The following EXOC1 variants were observed in gnomAD, a reference collection of about 807,000 sequenced individuals.
EXOC1 encodes exocyst complex component 1.
A neutral mutation model predicts 107.7 loss-of-function variants in EXOC1; 67 were observed. The observed-to-expected ratio is 0.62, with a 90% CI of 0.51 to 0.76. EXOC1 has a LOEUF of 0.76. EXOC1 is among the 30% of genes least tolerant of loss of function. The probability of loss-of-function intolerance (pLI) is 0.00; values close to 1 mark genes in which losing one functional copy is unlikely to be tolerated. For synonymous variants in EXOC1, 348 were observed against 353.5 expected (o/e 0.98, Z 0.17); for missense variants, 833 against 1,055.7 (o/e 0.79, Z 2.92).
At chr4:55,902,594 C>A in intron 18 of EXOC1, 56 bp downstream of exon 18, 1 of 1,333,432 alleles carries the variant, frequency 7.5e-7, no homozygotes, top group South Asian at 2.1e-5. Flanking sequence ...TATTGCTTTT[C>A]TTTAAATAAT....
chr4:55,875,449 A>G (rs570348296), intron 8 of EXOC1: 176 of 982,706 alleles, frequency 1.8e-4, no homozygotes, highest in Non-Finnish European at 2.0e-4. Flanking sequence ...TTTGACCCCA[A>G]TGTATCATTT....
chr4:55,875,380 A>G (rs1304617630), intron 8 of EXOC1: 1 of 940,496 alleles, frequency 1.1e-6, no homozygotes, highest in East Asian at 1.2e-4. Flanking sequence ...TAAGAAAAGA[A>G]TAAGTAAGTA....
intron 16 of EXOC1, 37 bp from the exon 17 acceptor site, chr4:55,899,648 C>G: frequency 6.4e-7 from 1 of 1,561,518 alleles, no homozygotes; most frequent in Non-Finnish European, 8.7e-7. Context: ...TGGTCATACT[C>G]AGAGATGTTA....
Position 55,902,558 on chromosome 4 carries a change from C to G in EXOC1, c.2532+20C>G. On this transcript the variant is annotated intron_variant, in intron 18 of 18. Transcript: ENST00000381295. ...CTTCAGGTATGCTTACTTCTTTTGACCATCTGACTTAAAGATCCTTACATA... is the reference window on the plus strand; with the variant it reads ...CTTCAGGTATGCTTACTTCTTTTGAGCATCTGACTTAAAGATCCTTACATA... 6.9e-7 allele frequency: 1 copy of G among 1,446,788 alleles called. No homozygotes were observed. Among genetic ancestry groups the G allele is most frequent in the Non-Finnish European group, 9.1e-7 (1 of 1,100,290 alleles). The allele number at this position is 1,446,788 out of a possible 1,614,324, so 89.6% of individuals were successfully genotyped here.
rs780857976 is a variant in EXOC1, at chr4:55,868,425, C to G, written c.505C>G (p.Gln169Glu). The change falls in exon 5 of 19, where the codon CAG (glutamine) becomes GAG (glutamate). Residue 169 changes from glutamine to glutamate, a missense_variant. Gln to Glu is a conservative substitution (Grantham distance 29, BLOSUM62 2). Around this residue, in one of 2 missense-constraint regions of EXOC1, gnomAD observed 617 missense variants for 701.3 expected, o/e 0.88. Transcript: ENST00000381295. Reference protein sequence around the residue: ...EYQELNAREEQDIEIMMEGCE... With the variant: ...EYQELNAREEEDIEIMMEGCE... ...CCAAGAGTTAAATGCAAGAGAAGAA[C>G]AGGATATCGAAATAATGATGGAAGG... 6 of 1,613,094 alleles carry G rather than the reference C, an allele frequency of 3.7e-6. No homozygotes were observed. The South Asian group carries it at 6.6e-5, about 18-fold the overall frequency.
chr4:55,860,356 A>C (rs1721358421), intron 2 of EXOC1, 55 bp from the exon 3 acceptor site: 1 of 1,601,950 alleles, frequency 6.2e-7, no homozygotes, highest in African/African-American at 1.3e-5. Flanking sequence ...TGAGTGAATG[A>C]AGAATGAGTG....
intron 10 of EXOC1, among the ~76,000 whole-genome samples, chr4:55,885,072 G>GTGTTTAT (rs1367580213): frequency 6.6e-6 from 1 of 151,920 alleles, no homozygotes; most frequent in Non-Finnish European, 1.5e-5. Context: ...AAACAGCAGT[G>GTGTTTAT]TGTTTATATC....
chr4:55,881,729 A>G (rs1309622375), intron 9 of EXOC1, among the ~76,000 whole-genome samples: 1 of 152,192 alleles, frequency 6.6e-6, no homozygotes, highest in Non-Finnish European at 1.5e-5. Flanking sequence ...CAAAGGAGCC[A>G]ATCAGATACG....
intron 1 of EXOC1, among the ~76,000 whole-genome samples, chr4:55,855,245 A>T (rs1232006967): frequency 6.6e-6 from 1 of 152,232 alleles, no homozygotes; most frequent in Non-Finnish European, 1.5e-5. Context: ...TTGTAGGGTT[A>T]AGTAAAGTTG....
chr4:55,857,267 C>T (rs1397315632), intron 1 of EXOC1, among the ~76,000 whole-genome samples: 3 of 140,136 alleles, frequency 2.1e-5, no homozygotes, highest in Admixed American at 7.8e-5. Flanking sequence ...CAAGCTCCGC[C>T]TCCCGAGTTC....
chr4:55,903,105 C>T (rs1726159429), intron 18 of EXOC1, among the ~76,000 whole-genome samples: 1 of 146,862 alleles, frequency 6.8e-6, no homozygotes. Context: ...GATCCTACCA[C>T]TGCACTCCAG....
chr4:55,873,685 G>A (rs576543194), intron 8 of EXOC1, among the ~76,000 whole-genome samples: 21 of 152,108 alleles, frequency 1.4e-4, no homozygotes, highest in East Asian at 5.8e-4. Context: ...AGAACGCTGC[G>A]ACAACCTGGG....
chr4:55,860,325 A>C, intron 2 of EXOC1, 86 bp from the exon 3 acceptor site: 1 of 1,539,518 alleles, frequency 6.5e-7, no homozygotes, highest in East Asian at 2.3e-5. Flanking sequence ...GCTACTAGGC[A>C]CCTGAAAGCT....
At chr4:55,864,487 C>A in intron 4 of EXOC1, 101 bp downstream of exon 4, 2 of 1,016,150 alleles carry the variant, frequency 2.0e-6, no homozygotes, top group Non-Finnish European at 2.8e-6. Context: ...ATTATCTTAT[C>A]GTAAAAGAAC....
chr4:55,896,675 T>C, intron 15 of EXOC1, 42 bp from the exon 16 acceptor site: 5 of 1,495,514 alleles, frequency 3.3e-6, no homozygotes, highest in Non-Finnish European at 4.5e-6. Flanking sequence ...AGTTTTAAAG[T>C]TGCTTGGTTA....
intron 11 of EXOC1, among the ~76,000 whole-genome samples, chr4:55,889,792 C>T (rs1475937832): frequency 2.0e-5 from 3 of 152,256 alleles, no homozygotes; most frequent in East Asian, 3.9e-4. Context: ...CATTGAGATG[C>T]AGCAGTTTTC....
In EXOC1 at chr4:55,888,600, T is replaced by TA. The variant is rs1305457418; in HGVS notation, c.1331-276dup. 6.4e-3 allele frequency among the ~76,000 whole-genome samples: 920 copies of TA among 142,802 alleles called. 5 individuals carry two copies. The highest frequency in any genetic ancestry group is 0.017 in the African/African-American group (667 of 39,548). The allele number at this position is 142,802 out of a possible 152,430, so 93.7% of individuals were successfully genotyped here. On this transcript the variant is annotated intron_variant, in intron 10 of 18. Transcript: ENST00000381295. ...TTTAAGTGTACCAGCTTAATAAACT[T>TA]AAAAAAAAAAAACATTTTAAAGTGT...
chr4:55,877,242 A>G, intron 8 of EXOC1: 1 of 985,402 alleles, frequency 1.0e-6, no homozygotes, highest in Non-Finnish European at 1.2e-6. Context: ...AAACTCTAGC[A>G]GTCTGTGTAA....
At chr4:55,883,037 A>G (rs1385806741) in intron 9 of EXOC1, 1 of 152,146 alleles carries the variant, frequency 6.6e-6, no homozygotes, top group African/African-American at 2.4e-5. Context: ...ATGATGAAGA[A>G]ATGATTTTTG....
Sources: allele counts gnomAD v4.1 joint callset (sites outside exome capture counted in the v4.1 genomes callset), GRCh38; gene constraint gnomAD v4.1.1; regional missense constraint gnomAD v4.1.1; transcripts MANE v1.5; gene names NCBI Gene and HGNC (gene_info 2026-07-23, HGNC 2026-07-21).